The following DLG1 variants were observed in gnomAD, a reference collection of about 807,000 sequenced individuals.
DLG1 encodes disks large homolog 1.
DLG1 carries 42 observed loss-of-function variants against 123.4 expected under a neutral mutation model. That is an observed-to-expected ratio of 0.34 (90% CI 0.27 to 0.44). The LOEUF (loss-of-function observed/expected upper bound fraction) is 0.44, where lower values mean the gene tolerates loss of function less well. DLG1 is among the 20% of genes least tolerant of loss of function. The probability of loss-of-function intolerance (pLI) is 1.00; values close to 1 mark genes in which losing one functional copy is unlikely to be tolerated. For synonymous variants in DLG1, 317 were observed against 356.2 expected (o/e 0.89, Z 1.24); for missense variants, 942 against 1,082.6 (o/e 0.87, Z 1.82).
In DLG1 at chr3:197,083,794, CAAACAA is replaced by C. The variant is rs3051913; in HGVS notation, c.1838+1780_1838+1785del. ...GCAACATAGCTAGAACCCATCTCCA[CAAACAA>C]AAACAAAAACAAAAACAAAAACAAA... On this transcript the variant is annotated intron_variant, in intron 16 of 24. Coordinates refer to ENST00000667157, the MANE Select transcript of DLG1 (RefSeq NM_001366207.1). Among the ~76,000 whole-genome samples, 419 of 149,426 alleles carry C rather than the reference CAAACAA, an allele frequency of 2.8e-3. 1 individual carries two copies. Among genetic ancestry groups the C allele is most frequent in the African/African-American group, 8.3e-3 (337 of 40,654 alleles).
chr3:197,275,118 G>A (rs1765773516), intron 4 of DLG1, among the ~76,000 whole-genome samples: 1 of 151,718 alleles, frequency 6.6e-6, no homozygotes, highest in African/African-American at 2.4e-5. Context: ...CCTGGGAGGT[G>A]GAGCTTGCAG....
In DLG1 at chr3:197,260,867, A is replaced by G. The variant is rs186889023; in HGVS notation, c.318+21812T>C. ...CTGCAAAGTAATGACTTTCTCGAGC[A>G]GTAATGAATGGAATATTCCATGTGG... On this transcript the variant is annotated intron_variant, in intron 4 of 24. Coordinates refer to ENST00000667157, the MANE Select transcript of DLG1 (RefSeq NM_001366207.1). Among the ~76,000 whole-genome samples, 546 of 151,464 alleles carry G rather than the reference A, an allele frequency of 3.6e-3. 5 individuals are homozygous for G. Among genetic ancestry groups the G allele is most frequent in the Middle Eastern group, 6.8e-3 (2 of 292 alleles).
intron 18 of DLG1, 178 bp from the exon 19 acceptor site, chr3:197,069,438 AC>A: frequency 2.3e-6 from 1 of 426,222 alleles, no homozygotes; most frequent in Non-Finnish European, 4.2e-6. Context: ...GCAAAGGAAA[AC>A]TCCTGTAATT....
chr3:197,135,156 C>A (rs550641763), intron 10 of DLG1, among the ~76,000 whole-genome samples: 4 of 152,198 alleles, frequency 2.6e-5, no homozygotes, highest in Admixed American at 2.6e-4. Context: ...GATCACACAG[C>A]CAAATAATAC....
intron 5 of DLG1, among the ~76,000 whole-genome samples, chr3:197,150,174 T>G (rs1400555569): frequency 3.3e-5 from 5 of 152,164 alleles, no homozygotes; most frequent in Non-Finnish European, 7.4e-5. Flanking sequence ...TTCAATCATT[T>G]CATCACCCAG....
intron 16 of DLG1, among the ~76,000 whole-genome samples, chr3:197,082,917 T>G (rs546516435): frequency 6.6e-6 from 1 of 152,220 alleles, no homozygotes; most frequent in Non-Finnish European, 1.5e-5. Context: ...TTATTGGGTG[T>G]AGGCACAGAA....
chr3:197,069,338 G>A (rs907876353), intron 18 of DLG1, 78 bp from the exon 19 acceptor site: 2 of 949,354 alleles, frequency 2.1e-6, no homozygotes, highest in African/African-American at 3.4e-5. Context: ...GAAATGTTGA[G>A]ATATAAGCCA....
At chr3:197,180,398 A>C (rs1419116334) in intron 5 of DLG1, among the ~76,000 whole-genome samples, 2 of 152,102 alleles carry the variant, frequency 1.3e-5, no homozygotes, top group African/African-American at 4.8e-5. Context: ...CCTCAACACA[A>C]GAATAGGAGG....
At chr3:197,296,167 G>T (rs1777263361) in intron 3 of DLG1, among the ~76,000 whole-genome samples, 179 bp downstream of exon 3, 1 of 152,126 alleles carries the variant, frequency 6.6e-6, no homozygotes, top group Non-Finnish European at 1.5e-5. Flanking sequence ...AAGTTTTTTG[G>T]TTACTAGTTA....
At position 197,297,320 on chromosome 3, in the gene DLG1, CCTATTTGAAAACCCCACGT is replaced by C. The variant is rs1233673442; in HGVS notation, c.-31-104_-31-86del. 5.2e-6 allele frequency: 8 copies of C among 1,544,218 alleles called. No homozygotes were observed. The African/African-American group carries it at 8.2e-5, about 16-fold the overall frequency. ...CTATCGAAATAGAAAACCCTCGCAG[CCTATTTGAAAACCCCACGT>C]TCCAAAGTTTTACCAAGTCAAAGAA... On this transcript the variant is annotated intron_variant, in intron 1 of 24. Transcript: ENST00000667157.
chr3:197,257,828 T>C (rs1306328507), intron 4 of DLG1, among the ~76,000 whole-genome samples: 1 of 152,218 alleles, frequency 6.6e-6, no homozygotes, highest in Non-Finnish European at 1.5e-5. Flanking sequence ...ATCACTCTTG[T>C]TGGGCCTTTT....
chr3:197,240,304 C>T (rs1036150178), intron 4 of DLG1, among the ~76,000 whole-genome samples: 4 of 152,192 alleles, frequency 2.6e-5, no homozygotes, highest in African/African-American at 9.7e-5. Flanking sequence ...TTTGGAATCT[C>T]CCTCATTCGG....
chr3:197,171,639 C>G (rs1804256065), intron 5 of DLG1, among the ~76,000 whole-genome samples: 1 of 152,142 alleles, frequency 6.6e-6, no homozygotes, highest in African/African-American at 2.4e-5. Context: ...GTGAGACTCA[C>G]AATATTCAGT....
At chr3:197,184,946 A>G (rs1004972904) in intron 5 of DLG1, among the ~76,000 whole-genome samples, 1 of 152,144 alleles carries the variant, frequency 6.6e-6, no homozygotes, top group Admixed American at 6.5e-5. Flanking sequence ...CTCCCCATCA[A>G]AATGTTTACG....
intron 5 of DLG1, among the ~76,000 whole-genome samples, chr3:197,151,601 T>C (rs1156706907): frequency 4.6e-5 from 7 of 152,232 alleles, no homozygotes; most frequent in African/African-American, 4.8e-5. Flanking sequence ...ATAGAGTTCA[T>C]TGTACTATTC....
chr3:197,115,831 C>T, intron 13 of DLG1, 96 bp downstream of exon 13: 2 of 1,183,898 alleles, frequency 1.7e-6, no homozygotes, highest in Non-Finnish European at 1.2e-6. Flanking sequence ...ACCAAGATAT[C>T]CCCATTACTT....
intron 5 of DLG1, among the ~76,000 whole-genome samples, chr3:197,192,400 T>G (rs1369479261): frequency 6.6e-6 from 1 of 151,706 alleles, no homozygotes; most frequent in Non-Finnish European, 1.5e-5. Flanking sequence ...TGGTAATTAG[T>G]GCAATAAGCA....
chr3:197,288,319 G>T (rs1772835067), intron 3 of DLG1, among the ~76,000 whole-genome samples: 1 of 119,948 alleles, frequency 8.3e-6, no homozygotes, highest in Non-Finnish European at 1.6e-5. Flanking sequence ...AGCCGAGATT[G>T]CACCACTACA....
At chr3:197,276,371 A>G (rs1766438223) in intron 4 of DLG1, among the ~76,000 whole-genome samples, 1 of 152,228 alleles carries the variant, frequency 6.6e-6, no homozygotes, top group Non-Finnish European at 1.5e-5. Flanking sequence ...GTTGTCTTTC[A>G]AATTAGTTGC....
Sources: gnomAD v4.1 joint callset for allele counts (sites outside exome capture counted in the v4.1 genomes callset) on GRCh38, gnomAD v4.1.1 for gene constraint, MANE v1.5 for transcripts, NCBI Gene and HGNC (gene_info 2026-07-23, HGNC 2026-07-21) for gene names.